ZCCHC17: variants seen among roughly 807,000 people sequenced by gnomAD.
The protein encoded by ZCCHC17 is zinc finger CCHC-type containing 17.
ZCCHC17 carries 18 observed loss-of-function variants against 30.6 expected under a neutral mutation model. The ratio of observed to expected loss-of-function variants is 0.59; its 90% CI spans 0.41 to 0.87. The LOEUF (loss-of-function observed/expected upper bound fraction) is 0.87, where lower values mean the gene tolerates loss of function less well. Ranked by LOEUF, ZCCHC17 falls within the 40% of genes least tolerant of loss-of-function variation. The pLI, the probability that ZCCHC17 is intolerant of heterozygous loss-of-function variation, is 0.00. For missense variants in ZCCHC17, 263 were observed against 284.2 expected (o/e 0.93, Z 0.54); for synonymous variants, 88 against 92.4 (o/e 0.95, Z 0.27).
At chr1:31,331,867 C>T (rs1040987899) in intron 3 of ZCCHC17, among the ~76,000 whole-genome samples, 8 of 152,092 alleles carry the variant, frequency 5.3e-5, no homozygotes, top group African/African-American at 1.9e-4. Context: ...GCCTCAGCCT[C>T]CCAAAGTGCT....
At chr1:31,355,834 C>G (rs1461184405) in intron 7 of ZCCHC17, among the ~76,000 whole-genome samples, 1 of 152,180 alleles carries the variant, frequency 6.6e-6, no homozygotes, top group Non-Finnish European at 1.5e-5. Flanking sequence ...TTCCAGCCCT[C>G]CTGTTTCCTT....
chr1:31,317,277 G>A (rs1216828281), intron 2 of ZCCHC17, among the ~76,000 whole-genome samples: 3 of 152,012 alleles, frequency 2.0e-5, no homozygotes, highest in Admixed American at 6.6e-5. Context: ...CACCTGCCTC[G>A]CCCTTTCAAA....
intron 7 of ZCCHC17, among the ~76,000 whole-genome samples, chr1:31,350,384 A>G (rs1171280695): frequency 6.6e-6 from 1 of 151,984 alleles, no homozygotes; most frequent in East Asian, 1.9e-4. Context: ...CTATACCATT[A>G]CAAGAATTAG....
chr1:31,358,366 A>G (rs1639728058), intron 7 of ZCCHC17, among the ~76,000 whole-genome samples: 2 of 152,232 alleles, frequency 1.3e-5, no homozygotes, highest in Non-Finnish European at 1.5e-5. Flanking sequence ...GAGGAATGAC[A>G]TGATCTGACT....
chr1:31,339,079 C>T (rs1215147543), intron 5 of ZCCHC17, 31 bp downstream of exon 5: 19 of 1,506,364 alleles, frequency 1.3e-5, no homozygotes, highest in Non-Finnish European at 1.5e-5. Flanking sequence ...GGTGAAAATT[C>T]TTCTGCCTCC....
chr1:31,322,739 T>A (rs1569812455), intron 3 of ZCCHC17, among the ~76,000 whole-genome samples: 2 of 130,552 alleles, frequency 1.5e-5, no homozygotes, highest in African/African-American at 5.7e-5. Context: ...TTTTTTTTTT[T>A]GAGAGGGAAT....
intron 3 of ZCCHC17, 88 bp downstream of exon 3, chr1:31,319,254 CAG>C: frequency 8.9e-7 from 1 of 1,120,454 alleles, no homozygotes; most frequent in East Asian, 2.4e-5. Flanking sequence ...GTACATTTTT[CAG>C]ACAGTAGTTT....
intron 1 of ZCCHC17, among the ~76,000 whole-genome samples, chr1:31,301,172 TAA>T (rs1478259590): frequency 6.6e-6 from 1 of 152,148 alleles, no homozygotes; most frequent in African/African-American, 2.4e-5. Flanking sequence ...TTAAATGGGG[TAA>T]AATTAAATAC....
intron 1 of ZCCHC17, among the ~76,000 whole-genome samples, chr1:31,300,507 C>A (rs72876362): frequency 6.6e-6 from 1 of 152,082 alleles, no homozygotes; most frequent in African/African-American, 2.4e-5. Flanking sequence ...GCAACTGTCC[C>A]GGGCTAGGTT....
At chr1:31,325,398 A>G (rs1234444735) in intron 3 of ZCCHC17, among the ~76,000 whole-genome samples, 1 of 152,144 alleles carries the variant, frequency 6.6e-6, no homozygotes, top group East Asian at 1.9e-4. Context: ...GAGCTGTGAC[A>G]CCTCTTTGGG....
At chr1:31,312,234 T>C (rs1271085595) in intron 2 of ZCCHC17, among the ~76,000 whole-genome samples, 1 of 152,216 alleles carries the variant, frequency 6.6e-6, no homozygotes, top group Non-Finnish European at 1.5e-5. Context: ...CCTCAGAATT[T>C]TTTTTACCCA....
At chr1:31,313,508 C>G (rs897004889) in intron 2 of ZCCHC17, among the ~76,000 whole-genome samples, 3 of 152,202 alleles carry the variant, frequency 2.0e-5, no homozygotes, top group Non-Finnish European at 2.9e-5. Flanking sequence ...GATTATCAGT[C>G]AGTTATAGAT....
At chr1:31,309,236 A>G (rs544402308) in intron 1 of ZCCHC17, among the ~76,000 whole-genome samples, 9 of 152,176 alleles carry the variant, frequency 5.9e-5, no homozygotes, top group Admixed American at 1.3e-4. Context: ...TGACATGCTT[A>G]GTAATTTAAC....
intron 4 of ZCCHC17, among the ~76,000 whole-genome samples, 171 bp downstream of exon 4, chr1:31,337,446 C>A (rs1034077986): frequency 2.0e-5 from 3 of 152,112 alleles, no homozygotes; most frequent in Non-Finnish European, 4.4e-5. Flanking sequence ...GACTGTCCTG[C>A]AAACTCAGAA....
intron 3 of ZCCHC17, among the ~76,000 whole-genome samples, chr1:31,334,294 TC>T (rs1253818930): frequency 6.7e-6 from 1 of 149,650 alleles, no homozygotes; most frequent in African/African-American, 2.5e-5. Context: ...TCTGCAGGCA[TC>T]CATGTGCATC....
chr1:31,334,712 A>G (rs1638745910), intron 3 of ZCCHC17, among the ~76,000 whole-genome samples: 1 of 152,164 alleles, frequency 6.6e-6, no homozygotes, highest in Non-Finnish European at 1.5e-5. Context: ...CTAGATACCT[A>G]CAGTACTTGA....
chr1:31,309,318 ATTGTT>A (rs1646541360), intron 1 of ZCCHC17, among the ~76,000 whole-genome samples: 2 of 152,056 alleles, frequency 1.3e-5, no homozygotes, highest in South Asian at 4.2e-4. Flanking sequence ...AGTTTTGAGA[ATTGTT>A]TTGTTTTGTT....
intron 7 of ZCCHC17, among the ~76,000 whole-genome samples, chr1:31,357,229 T>A (rs192087295): frequency 6.6e-6 from 1 of 152,296 alleles, no homozygotes; most frequent in East Asian, 1.9e-4. Flanking sequence ...CCAGAGAACT[T>A]CTTCTGGTGC....
At chr1:31,306,509 A>G (rs560798661) in intron 1 of ZCCHC17, among the ~76,000 whole-genome samples, 5 of 152,198 alleles carry the variant, frequency 3.3e-5, no homozygotes, top group African/African-American at 4.8e-5. Flanking sequence ...ACTAATAAGA[A>G]CAACATAACA....
Sources: allele counts gnomAD v4.1 joint callset (sites outside exome capture counted in the v4.1 genomes callset), GRCh38; gene constraint gnomAD v4.1.1; transcripts MANE v1.5; gene names NCBI Gene and HGNC (gene_info 2026-07-23, HGNC 2026-07-21).